The following MBOAT2 variants were observed in gnomAD, a reference collection of about 807,000 sequenced individuals.
The protein encoded by MBOAT2 is membrane-bound glycerophospholipid O-acyltransferase 2.
Under a neutral mutation model 63.4 loss-of-function variants are expected in MBOAT2, and 28 were observed. The observed-to-expected ratio is 0.44, with a 90% CI of 0.33 to 0.61. The LOEUF (loss-of-function observed/expected upper bound fraction) is 0.61. MBOAT2 is among the 20% of genes least tolerant of loss of function. The pLI, the probability that MBOAT2 is intolerant of heterozygous loss-of-function variation, is 0.03. For synonymous variants in MBOAT2, 211 were observed against 215.6 expected, an observed-to-expected ratio of 0.98 and a Z score of 0.19; for missense variants, 470 against 605.8, an observed-to-expected ratio of 0.78 and a Z score of 2.35.
At chr2:8,952,931 C>T (rs900217631) in intron 2 of MBOAT2, among the ~76,000 whole-genome samples, 2 of 152,064 alleles carry the variant, frequency 1.3e-5, no homozygotes, top group African/African-American at 4.8e-5. Context: ...TTCCACTTGC[C>T]ACTCTGCCTT....
At chr2:8,873,717 C>T (rs1291532388) in intron 7 of MBOAT2, among the ~76,000 whole-genome samples, 2 of 152,090 alleles carry the variant, frequency 1.3e-5, no homozygotes, top group African/African-American at 4.8e-5. Context: ...TTCTAGGCAT[C>T]TCATGGATGT....
At chr2:8,900,334 A>G (rs1031218489) in intron 4 of MBOAT2, among the ~76,000 whole-genome samples, 1 of 152,202 alleles carries the variant, frequency 6.6e-6, no homozygotes, top group African/African-American at 2.4e-5. Flanking sequence ...CTAAAGTCGC[A>G]TTCTTTTCAT....
At chr2:8,976,338 GAGA>G (rs1375364681) in intron 1 of MBOAT2, among the ~76,000 whole-genome samples, 1 of 151,882 alleles carries the variant, frequency 6.6e-6, no homozygotes, top group African/African-American at 2.4e-5. Flanking sequence ...CCTATGAACT[GAGA>G]AGGAATTTAT....
At chr2:8,984,533 G>C (rs1001992036) in intron 1 of MBOAT2, among the ~76,000 whole-genome samples, 8 of 152,128 alleles carry the variant, frequency 5.3e-5, no homozygotes, top group African/African-American at 1.9e-4. Context: ...TGTTCCTTAA[G>C]TGGGAGCGCA....
intron 4 of MBOAT2, chr2:8,908,294 G>A (rs1473801618): frequency 1.1e-5 from 2 of 187,860 alleles, no homozygotes; most frequent in Non-Finnish European, 2.2e-5. Flanking sequence ...GTGTTGAATG[G>A]AGAACACTGA....
chr2:8,948,659 C>G (rs1668594841), intron 2 of MBOAT2, among the ~76,000 whole-genome samples: 3 of 152,192 alleles, frequency 2.0e-5, no homozygotes. Flanking sequence ...CATGTTGCTG[C>G]AAAGGGCATG....
chr2:8,889,138 G>A lies in MBOAT2; in HGVS notation c.396-1065C>T, dbSNP rs546042940. Among the ~76,000 whole-genome samples the A allele has an allele frequency of 3.0e-4, 45 of 152,306 alleles. 1 individual carries two copies. Among genetic ancestry groups the A allele is most frequent in the Non-Finnish European group, 2.4e-4 (16 of 68,030 alleles). On this transcript the variant is annotated intron_variant, in intron 4 of 12. Transcript: ENST00000305997. ...ACTGCCAAGGAAAGGGGCCAGGAGG[G>A]GAGAGGACCCCAGCCTAGGGAGGCT...
chr2:8,980,254 A>AG lies in MBOAT2; in HGVS notation c.76-21613dup, dbSNP rs201729650. Among the ~76,000 whole-genome samples, 544 of 152,274 alleles carry AG rather than the reference A, an allele frequency of 3.6e-3. 8 individuals are homozygous for AG. The highest frequency in any genetic ancestry group is 0.02 in the South Asian group (95 of 4,826). ...GAACTACATATAACACAGTGAACAC[A>AG]GTGGGAATGTGTGCCACAGGAATGC... On this transcript the variant is annotated intron_variant, in intron 1 of 12. Coordinates refer to ENST00000305997, the MANE Select transcript of MBOAT2 (RefSeq NM_138799.4).
chr2:8,971,229 C>A (rs904914053), intron 1 of MBOAT2, among the ~76,000 whole-genome samples: 2 of 152,210 alleles, frequency 1.3e-5, no homozygotes, highest in Non-Finnish European at 2.9e-5. Flanking sequence ...AATCAATAAA[C>A]ATAATCCAGC....
intron 6 of MBOAT2, 90 bp downstream of exon 6, chr2:8,882,413 TACCTCTAG>T: frequency 8.7e-7 from 1 of 1,154,354 alleles, no homozygotes; most frequent in East Asian, 2.5e-5. Flanking sequence ...CAGAAGTAAG[TACCTCTAG>T]AAGGACTAGT....
rs935299158 is a variant in MBOAT2, at chr2:8,859,035, AT to A, written c.1338-132del. 7 of 694,408 alleles carry A rather than the reference AT, an allele frequency of 1.0e-5. No individual in the cohort carries two copies. In the Admixed American group the frequency reaches 2.1e-4, roughly 21 times the overall value. The allele number at this position is 694,408 out of a possible 1,614,324, so 43.0% of individuals were successfully genotyped here. A position where few individuals can be genotyped will look rare whatever the true frequency, so the allele number is the denominator to read the frequency against. On this transcript the variant is annotated intron_variant, in intron 12 of 12. Coordinates refer to ENST00000305997, the MANE Select transcript of MBOAT2 (RefSeq NM_138799.4). Reference sequence around the variant, plus strand: ...TACTACATTACTACATTATTCTTTTATTTTTCCCCCTCAGGAGAAGAAACCT... The same window carrying A: ...TACTACATTACTACATTATTCTTTTATTTTCCCCCTCAGGAGAAGAAACCT...
In MBOAT2 at chr2:9,003,570, G is replaced by GA; in HGVS notation, c.44dup (p.Ser16GlnfsTer37). On this transcript the variant is annotated frameshift_variant, in exon 1 of 13. Coordinates refer to ENST00000305997, the MANE Select transcript of MBOAT2 (RefSeq NM_138799.4). LOFTEE classifies it high-confidence loss of function. This position sits in a 1 kb window ranked among gnomAD's most constrained non-coding sequence, Gnocchi z 5.4. ...CGATGGGCAGCTGCACGGCGTTGCTGAGGGGCTGCAGCAGGGTGGAGCCCG... is the reference window on the plus strand; with the variant it reads ...CGATGGGCAGCTGCACGGCGTTGCTGAAGGGGCTGCAGCAGGGTGGAGCCCG... 1 of 1,232,718 alleles carries GA rather than the reference G, an allele frequency of 8.1e-7. No homozygotes were observed. The allele number at this position is 1,232,718 out of a possible 1,614,324, so 76.4% of individuals were successfully genotyped here.
At position 8,858,833 on chromosome 2, in the gene MBOAT2, CTT is replaced by C; in HGVS notation, c.1407_1408del (p.Arg470LysfsTer6). ...AATGTTTTCATGTGTATTCTTTCTT[CTT>C]TGAGTTTTTTTCACTGGCAACAACA... On this transcript the variant is annotated frameshift_variant, in exon 13 of 13. Coordinates refer to ENST00000305997, the MANE Select transcript of MBOAT2 (RefSeq NM_138799.4). LOFTEE classifies it low-confidence loss of function (END_TRUNC). The C allele has an allele frequency of 1.2e-6, 2 of 1,613,840 alleles. No homozygotes were observed. The highest frequency in any genetic ancestry group is 1.7e-6 in the Non-Finnish European group (2 of 1,179,970).
rs566690483 is a variant in MBOAT2 at position 8,875,095 on chromosome 2, AG to A, written c.691-1796del. 3.2e-4 allele frequency among the ~76,000 whole-genome samples: 49 copies of A among 152,264 alleles called. 1 individual carries two copies. The South Asian group carries it at 6.4e-3, about 20-fold the overall frequency. On this transcript the variant is annotated intron_variant, in intron 7 of 12. Coordinates refer to ENST00000305997, the MANE Select transcript of MBOAT2 (RefSeq NM_138799.4). Reference sequence around the variant, plus strand: ...CCCATATCCTAACTGATGCAGATAGAGGAGAGAACAGTGGAGAGGTCCCCAA... The same window carrying A: ...CCCATATCCTAACTGATGCAGATAGAGAGAGAACAGTGGAGAGGTCCCCAA...
chr2:8,918,930 C>A (rs568659014), intron 3 of MBOAT2, among the ~76,000 whole-genome samples: 53 of 152,218 alleles, frequency 3.5e-4, no homozygotes, highest in Admixed American at 1.1e-3. Flanking sequence ...GTACCCTCAA[C>A]CCTAGGCAAC....
chr2:8,883,251 AAC>A (rs1663278516), intron 5 of MBOAT2, among the ~76,000 whole-genome samples: 1 of 152,160 alleles, frequency 6.6e-6, no homozygotes, highest in Admixed American at 6.5e-5. Flanking sequence ...GCAATTAAAA[AAC>A]AGTGAAATAA....
intron 1 of MBOAT2, among the ~76,000 whole-genome samples, chr2:8,971,097 C>A (rs1177911747): frequency 6.6e-6 from 1 of 152,172 alleles, no homozygotes; most frequent in African/African-American, 2.4e-5. Context: ...CCCTGATGAA[C>A]GTCGATGCAA....
intron 2 of MBOAT2, 111 bp downstream of exon 2, chr2:8,958,386 T>G: frequency 8.8e-7 from 1 of 1,138,422 alleles, no homozygotes; most frequent in Non-Finnish European, 1.2e-6. Flanking sequence ...GAGAAAAAAC[T>G]TTTTAAGTAA....
chr2:8,975,856 A>G (rs1381604281), intron 1 of MBOAT2, among the ~76,000 whole-genome samples: 2 of 151,826 alleles, frequency 1.3e-5, no homozygotes, highest in Admixed American at 6.6e-5. Flanking sequence ...AAATAGCATC[A>G]TGAGAACACA....
Sources: gnomAD v4.1 joint callset for allele counts (sites outside exome capture counted in the v4.1 genomes callset) on GRCh38, gnomAD v4.1.1 for gene constraint, Gnocchi (gnomAD v3.1) non-coding constraint, MANE v1.5 for transcripts, NCBI Gene and HGNC (gene_info 2026-07-23, HGNC 2026-07-21) for gene names.